The following LRRC1 variants were observed in gnomAD, a reference collection of about 807,000 sequenced individuals.
LRRC1 encodes leucine-rich repeat-containing protein 1.
In LRRC1, 28 loss-of-function variants were observed where a neutral mutation model predicts 69.9. The ratio of observed to expected loss-of-function variants is 0.40; its 90% CI spans 0.30 to 0.55. The LOEUF is 0.55. LRRC1 is among the 20% of genes least tolerant of loss of function. LRRC1 has a pLI of 0.47. For missense variants in LRRC1, 498 were observed against 609.0 expected (o/e 0.82, Z 1.92); for synonymous variants, 236 against 240.2 (o/e 0.98, Z 0.16).
At chr6:53,837,859 C>G (rs1175368761) in intron 1 of LRRC1, among the ~76,000 whole-genome samples, 1 of 152,134 alleles carries the variant, frequency 6.6e-6, no homozygotes, top group Non-Finnish European at 1.5e-5. Context: ...GCAATGGTGG[C>G]TCTAAGAAGA....
chr6:53,860,133 A>G (rs1766448145), intron 2 of LRRC1, among the ~76,000 whole-genome samples: 1 of 152,220 alleles, frequency 6.6e-6, no homozygotes, highest in South Asian at 2.1e-4. Flanking sequence ...GCTGAAACAC[A>G]CTATATATTT....
At chr6:53,800,344 T>C (rs1258754580) in intron 1 of LRRC1, among the ~76,000 whole-genome samples, 1 of 145,668 alleles carries the variant, frequency 6.9e-6, no homozygotes, top group East Asian at 2.2e-4. Flanking sequence ...CTCCGTCTCC[T>C]GGTTCAAGTG....
intron 10 of LRRC1, among the ~76,000 whole-genome samples, chr6:53,909,711 G>A (rs1283789535): frequency 6.6e-6 from 1 of 152,054 alleles, no homozygotes; most frequent in Non-Finnish European, 1.5e-5. Flanking sequence ...AAATATTTAT[G>A]AAGTAGGGAA....
At chr6:53,882,278 G>A (rs1204276234) in intron 3 of LRRC1, among the ~76,000 whole-genome samples, 2 of 152,212 alleles carry the variant, frequency 1.3e-5, no homozygotes, top group African/African-American at 2.4e-5. Flanking sequence ...AACCCGGGAG[G>A]CGGAGGTTGC....
At position 53,899,823 on chromosome 6, in the gene LRRC1, G is replaced by T. The variant is rs1489794159; in HGVS notation, c.719G>T (p.Ser240Ile). 4 of 1,614,156 alleles carry T rather than the reference G, an allele frequency of 2.5e-6. No homozygotes were observed. In the South Asian group the frequency reaches 4.4e-5, roughly 18 times the overall value. Residue 240 changes from serine to isoleucine, a missense_variant, in exon 8 of 14, where the codon AGT (serine) becomes ATT (isoleucine). Ser to Ile is a moderately radical substitution (Grantham distance 142, BLOSUM62 -2). Around this residue, in one of 3 missense-constraint regions of LRRC1, gnomAD observed 266 missense variants for 383.9 expected, o/e 0.69. Coordinates refer to ENST00000370888, the MANE Select transcript of LRRC1 (RefSeq NM_018214.5). ...TTGGAAAGACTTCCTGAAGAAATCA[G>T]TGGCCTGACTTCATTAACGGATTTA... ...NRLERLPEEI[S>I]GLTSLTDLVI...
intron 2 of LRRC1, among the ~76,000 whole-genome samples, chr6:53,843,283 G>A (rs1380362514): frequency 6.6e-6 from 1 of 152,042 alleles, no homozygotes; most frequent in Non-Finnish European, 1.5e-5. Flanking sequence ...CTTTAGGTCT[G>A]TATATTTCAG....
intron 2 of LRRC1, among the ~76,000 whole-genome samples, chr6:53,863,543 T>C (rs1766598778): frequency 6.6e-6 from 1 of 152,242 alleles, no homozygotes; most frequent in Non-Finnish European, 1.5e-5. Flanking sequence ...TGCTGCCTTC[T>C]GAAGAAGGAC....
chr6:53,865,791 G>A (rs931797461), intron 2 of LRRC1, among the ~76,000 whole-genome samples: 4 of 149,746 alleles, frequency 2.7e-5, no homozygotes, highest in Non-Finnish European at 5.9e-5. Context: ...GTGTGATCTC[G>A]GCTCACTGCA....
chr6:53,854,119 G>A (rs1766235058), intron 2 of LRRC1, among the ~76,000 whole-genome samples: 2 of 152,216 alleles, frequency 1.3e-5, no homozygotes, highest in Admixed American at 1.3e-4. Context: ...GACCTGGTTA[G>A]CCACCAAGTT....
intron 1 of LRRC1, among the ~76,000 whole-genome samples, chr6:53,836,606 C>T (rs1393497350): frequency 1.3e-5 from 2 of 152,102 alleles, no homozygotes; most frequent in Admixed American, 1.3e-4. Context: ...TGGTATTTTC[C>T]TTCCTAATTA....
At chr6:53,903,192 G>T (rs191105866) in intron 9 of LRRC1, among the ~76,000 whole-genome samples, 2 of 152,292 alleles carry the variant, frequency 1.3e-5, no homozygotes, top group East Asian at 3.9e-4. Context: ...CAGGATGGGG[G>T]CTGGGAAACG....
chr6:53,904,304 T>C (rs1315736379), intron 9 of LRRC1, 75 bp from the exon 10 acceptor site: 6 of 871,222 alleles, frequency 6.9e-6, no homozygotes, highest in Non-Finnish European at 9.4e-6. Flanking sequence ...CTTTAGGTCC[T>C]TGCAAAGATC....
At chr6:53,916,182 C>G (rs534218139) in intron 11 of LRRC1, among the ~76,000 whole-genome samples, 1 of 152,322 alleles carries the variant, frequency 6.6e-6, no homozygotes, top group Admixed American at 6.5e-5. Flanking sequence ...CTTAGACTCT[C>G]TCCCATAGGA....
chr6:53,877,468 A>G (rs1001354875), intron 2 of LRRC1, among the ~76,000 whole-genome samples: 3 of 151,822 alleles, frequency 2.0e-5, no homozygotes, highest in African/African-American at 7.3e-5. Flanking sequence ...TTTTTTTTCT[A>G]TCATGTTGTC....
At chr6:53,833,712 CT>C (rs1765528072) in intron 1 of LRRC1, among the ~76,000 whole-genome samples, 1 of 151,980 alleles carries the variant, frequency 6.6e-6, no homozygotes, top group Admixed American at 6.6e-5. Context: ...CAGGAGAGGC[CT>C]TTTTTCCCCC....
chr6:53,842,155 A>G lies in LRRC1; in HGVS notation c.205A>G (p.Asn69Asp). Residue 69 changes from asparagine to aspartate, a missense_variant, in exon 2 of 14, where the codon AAT becomes GAT. By Grantham distance (23) the Asn-to-Asp change is conservative. Transcript: ENST00000370888. Reference sequence around the variant, plus strand: ...ATTACGAAAGCTTGGACTTAGTGATAATGAAATTCAGCGGCTCCCTCCAGA... The same window carrying G: ...ATTACGAAAGCTTGGACTTAGTGATGATGAAATTCAGCGGCTCCCTCCAGA... Reference protein sequence around the residue: ...VKLRKLGLSDNEIQRLPPEIA... With the variant: ...VKLRKLGLSDDEIQRLPPEIA... The G allele has an allele frequency of 1.9e-6, 3 of 1,614,078 alleles. No homozygotes were observed. In the East Asian group the frequency reaches 6.7e-5, roughly 36 times the overall value.
intron 7 of LRRC1, among the ~76,000 whole-genome samples, chr6:53,899,205 A>G (rs1767967124): frequency 6.6e-6 from 1 of 152,232 alleles, no homozygotes; most frequent in Non-Finnish European, 1.5e-5. Context: ...GTTTTCACTA[A>G]AGGCAGTATG....
intron 2 of LRRC1, among the ~76,000 whole-genome samples, chr6:53,876,349 G>C (rs1220832922): frequency 2.0e-5 from 3 of 152,090 alleles, no homozygotes; most frequent in Non-Finnish European, 4.4e-5. Flanking sequence ...ATGAGATTTG[G>C]ATGGGGACAC....
intron 2 of LRRC1, among the ~76,000 whole-genome samples, chr6:53,873,337 G>A (rs1271283838): frequency 1.3e-5 from 2 of 149,780 alleles, no homozygotes; most frequent in Admixed American, 1.3e-4. Flanking sequence ...TGTTGCCCAG[G>A]CTACTGTGCA....
Sources: allele counts gnomAD v4.1 joint callset (sites outside exome capture counted in the v4.1 genomes callset), GRCh38; gene constraint gnomAD v4.1.1; regional missense constraint gnomAD v4.1.1; transcripts MANE v1.5; gene names NCBI Gene and HGNC (gene_info 2026-07-23, HGNC 2026-07-21).